The following HERC3 variants were observed in gnomAD, a reference collection of about 807,000 sequenced individuals.
HERC3 encodes the protein probable E3 ubiquitin-protein ligase HERC3.
Under a neutral mutation model 129.9 loss-of-function variants are expected in HERC3, and 58 were observed. The observed-to-expected ratio is 0.45, with a 90% confidence interval of 0.36 to 0.56. The LOEUF is 0.56. Ranked by LOEUF, HERC3 falls within the 20% of genes least tolerant of loss-of-function variation. The pLI, the probability that HERC3 is intolerant of heterozygous loss-of-function variation, is 0.00. For synonymous variants in HERC3, 430 were observed against 451.0 expected, an observed-to-expected ratio of 0.95 and a Z score of 0.59; for missense variants, 835 against 1,244.2, an observed-to-expected ratio of 0.67 and a Z score of 4.95.
chr4:88,590,298 C>T (rs896877942), upstream of HERC3, among the ~76,000 whole-genome samples: 1 of 151,600 alleles, frequency 6.6e-6, no homozygotes, highest in African/African-American at 2.4e-5. Context: ...CGGTGGCTCA[C>T]GCCTGTAATC....
At chr4:88,633,402 G>A (rs192104508) in intron 3 of HERC3, among the ~76,000 whole-genome samples, 2 of 152,272 alleles carry the variant, frequency 1.3e-5, no homozygotes, top group East Asian at 3.9e-4. Context: ...TTAAAGGGGG[G>A]ATGGTAAAGT....
the HERC3 span, among the ~76,000 whole-genome samples, chr4:88,556,428 T>C: frequency 6.6e-6 from 1 of 152,214 alleles, no homozygotes; most frequent in African/African-American, 2.4e-5. Flanking sequence ...AAAGAATTAG[T>C]TGGTTGAAAC....
At chr4:88,650,584 G>A (rs765613085) in intron 4 of HERC3, among the ~76,000 whole-genome samples, 18 of 152,146 alleles carry the variant, frequency 1.2e-4, no homozygotes, top group Non-Finnish European at 2.2e-4. Context: ...CTTTCAAATG[G>A]ACTTTTTAGT....
chr4:88,548,506 G>T, the HERC3 span, among the ~76,000 whole-genome samples: 1 of 152,072 alleles, frequency 6.6e-6, no homozygotes, highest in Non-Finnish European at 1.5e-5. Flanking sequence ...CCTCTTTGGA[G>T]AAATGTATGC....
intron 23 of HERC3, among the ~76,000 whole-genome samples, chr4:88,688,112 C>T (rs930610041): frequency 6.6e-6 from 1 of 152,082 alleles, no homozygotes; most frequent in African/African-American, 2.4e-5. Flanking sequence ...AAGTTGTAGC[C>T]CAGGTGCCAC....
At chr4:88,698,709 C>A (rs998397876) in intron 23 of HERC3, among the ~76,000 whole-genome samples, 42 of 151,942 alleles carry the variant, frequency 2.8e-4, no homozygotes, top group Middle Eastern at 3.2e-3. Flanking sequence ...GCCTTCCCCA[C>A]TATCTGTTTT....
At chr4:88,609,113 A>C (rs1320506351) in intron 3 of HERC3, among the ~76,000 whole-genome samples, 1 of 52,312 alleles carries the variant, frequency 1.9e-5, no homozygotes, top group East Asian at 8.7e-4. Flanking sequence ...ATACAGATGC[A>C]AAAAAAAAAA....
At chr4:88,572,821 AT>A in the HERC3 span, among the ~76,000 whole-genome samples, 530 of 150,556 alleles carry the variant, frequency 3.5e-3, 4 homozygotes, top group African/African-American at 0.011. Context: ...AAAAAAAATA[AT>A]AATAATAATA....
At chr4:88,612,182 G>A (rs115792447) in intron 3 of HERC3, among the ~76,000 whole-genome samples, 1 of 151,938 alleles carries the variant, frequency 6.6e-6, no homozygotes, top group Non-Finnish European at 1.5e-5. Context: ...TCCTTCTTAA[G>A]AATATGTAAC....
At chr4:88,585,534 T>G in the HERC3 span, among the ~76,000 whole-genome samples, 8 of 138,972 alleles carry the variant, frequency 5.8e-5, no homozygotes, top group Non-Finnish European at 1.1e-4. Flanking sequence ...TTTTTTTTTT[T>G]GCTATGGAAC....
At chr4:88,524,400 C>G in the HERC3 span, among the ~76,000 whole-genome samples, 2 of 152,172 alleles carry the variant, frequency 1.3e-5, no homozygotes, top group Non-Finnish European at 2.9e-5. Flanking sequence ...GTGTAACAGG[C>G]AGATGTGATC....
chr4:88,683,326 A>G (rs1733017759), intron 21 of HERC3, among the ~76,000 whole-genome samples: 2 of 152,178 alleles, frequency 1.3e-5, no homozygotes, highest in South Asian at 4.1e-4. Flanking sequence ...CCCTCCATAA[A>G]TGAGAGTATC....
intron 3 of HERC3, among the ~76,000 whole-genome samples, chr4:88,640,890 C>CT (rs557414815): frequency 1.3e-3 from 200 of 152,168 alleles, no homozygotes; most frequent in African/African-American, 4.2e-3. Flanking sequence ...ACTTTTTACT[C>CT]TTTTTTGTGA....
At position 88,686,808 on chromosome 4, in the gene HERC3, A is replaced by C; in HGVS notation, c.2574+6A>C. On this transcript the variant is annotated splice_donor_region_variant and intron_variant, in intron 22 of 25. Coordinates refer to ENST00000402738, the MANE Select transcript of HERC3 (RefSeq NM_014606.3). ...CTTTCTGCCTCAACTTCACGGTAAGAATTTCCACAGTTTACTTAGGATTGT... is the reference window on the plus strand; with the variant it reads ...CTTTCTGCCTCAACTTCACGGTAAGCATTTCCACAGTTTACTTAGGATTGT... The C allele has an allele frequency of 1.3e-6, 2 of 1,599,854 alleles. No individual in the cohort carries two copies. The highest frequency in any genetic ancestry group is 1.7e-6 in the Non-Finnish European group (2 of 1,167,488).
At chr4:88,568,338 G>A in the HERC3 span, among the ~76,000 whole-genome samples, 25,111 of 151,944 alleles carry the variant, frequency 0.17, 2,384 homozygotes, top group Admixed American at 0.25. Context: ...GGTGAGTCCC[G>A]CCAGGCTTCT....
At chr4:88,631,631 T>G (rs746821831) in intron 3 of HERC3, among the ~76,000 whole-genome samples, 16 of 152,238 alleles carry the variant, frequency 1.1e-4, no homozygotes, top group Admixed American at 2.6e-4. Flanking sequence ...TAGATGCTCA[T>G]GGATACTCTC....
At chr4:88,634,827 C>CT (rs1032951854) in intron 3 of HERC3, among the ~76,000 whole-genome samples, 1 of 152,088 alleles carries the variant, frequency 6.6e-6, no homozygotes, top group African/African-American at 2.4e-5. Context: ...CTTCTCCAGT[C>CT]TCCTCAAGTG....
At chr4:88,615,191 A>G (rs1724768494) in intron 3 of HERC3, among the ~76,000 whole-genome samples, 1 of 152,086 alleles carries the variant, frequency 6.6e-6, no homozygotes, top group Admixed American at 6.6e-5. Context: ...TTACAATAGC[A>G]ATTTTTTAGT....
intron 25 of HERC3, among the ~76,000 whole-genome samples, chr4:88,705,173 T>G (rs1735676837): frequency 6.6e-6 from 1 of 152,306 alleles, no homozygotes; most frequent in African/African-American, 2.4e-5. Flanking sequence ...GGCCTGATTT[T>G]TAAATTATTC....
Sources: gnomAD v4.1 joint callset for allele counts (sites outside exome capture counted in the v4.1 genomes callset) on GRCh38, gnomAD v4.1.1 for gene constraint, MANE v1.5 for transcripts, NCBI Gene and HGNC (gene_info 2026-07-23, HGNC 2026-07-21) for gene names.